GOLGA3: variants seen among roughly 807,000 people sequenced by gnomAD.
GOLGA3 encodes the protein golgin subfamily A member 3.
In GOLGA3, 75 loss-of-function variants were observed where a neutral mutation model predicts 169.4. That is an observed-to-expected ratio of 0.44 (90% CI 0.37 to 0.54). The LOEUF (loss-of-function observed/expected upper bound fraction) is 0.54, where lower values mean the gene tolerates loss of function less well. GOLGA3 is among the 20% of genes least tolerant of loss of function. The pLI, the probability that GOLGA3 is intolerant of heterozygous loss-of-function variation, is 0.00. For missense variants in GOLGA3, 1,899 were observed against 1,930.0 expected (o/e 0.98, Z 0.30); for synonymous variants, 824 against 822.4 (o/e 1.00, Z -0.03).
At chr12:132,787,996 C>T (rs2046018359) in intron 13 of GOLGA3, among the ~76,000 whole-genome samples, 1 of 152,140 alleles carries the variant, frequency 6.6e-6, no homozygotes, top group South Asian at 2.1e-4. Flanking sequence ...CCCTCGCAGC[C>T]TTTCCCCAGC....
At position 132,801,912 on chromosome 12, in the gene GOLGA3, A is replaced by T. The variant is rs1949146131; in HGVS notation, c.1655T>A (p.Leu552Gln). The change falls in exon 8 of 24, where the codon CTG becomes CAG. Residue 552 changes from leucine to glutamine, a missense_variant. Leu to Gln is a moderately radical substitution (Grantham distance 113, BLOSUM62 -2). Coordinates refer to ENST00000450791, the MANE Select transcript of GOLGA3 (RefSeq NM_001389683.1). ...ALQSQLQQVQ[L>Q]ERTTLTSKLK... ...CTTGCTGGTCAGCGTCGTCCGCTCCAGCTGCACCTGCTGAAGCTGGCTCTG... is the reference window on the plus strand; with the variant it reads ...CTTGCTGGTCAGCGTCGTCCGCTCCTGCTGCACCTGCTGAAGCTGGCTCTG... The T allele has an allele frequency of 1.2e-6, 2 of 1,602,284 alleles. No homozygotes were observed. Among genetic ancestry groups the T allele is most frequent in the Non-Finnish European group, 1.7e-6 (2 of 1,179,862 alleles).
intron 4 of GOLGA3, among the ~76,000 whole-genome samples, chr12:132,810,394 C>T (rs879434914): frequency 5.3e-5 from 8 of 152,016 alleles, no homozygotes; most frequent in South Asian, 2.1e-4. Flanking sequence ...ACTGAGGACG[C>T]GAACTGTTCC....
intron 4 of GOLGA3, among the ~76,000 whole-genome samples, chr12:132,811,550 G>A (rs185933975): frequency 2.5e-4 from 38 of 151,510 alleles, no homozygotes; most frequent in African/African-American, 8.2e-4. Flanking sequence ...AACCTCTGCC[G>A]CCTGGGTTCA....
chr12:132,777,103 A>C lies in GOLGA3; in HGVS notation c.3723-13T>G, dbSNP rs773466743. On this transcript the variant is annotated splice_polypyrimidine_tract_variant and intron_variant, in intron 19 of 23. Transcript: ENST00000450791. This position sits in a 1 kb window ranked among gnomAD's most constrained non-coding sequence, Gnocchi z 4.7. ...CCCCTCCCGAATCCTAGCGTAAAAA[A>C]ACAAGAAAGAAGGGAATCGCCACGC... 1.3e-6 allele frequency: 2 copies of C among 1,568,484 alleles called. No individual in the cohort carries two copies. Among genetic ancestry groups the C allele is most frequent in the East Asian group, 2.2e-5 (1 of 44,550 alleles).
At chr12:132,818,416 C>T (rs554364792) in intron 2 of GOLGA3, among the ~76,000 whole-genome samples, 2 of 152,206 alleles carry the variant, frequency 1.3e-5, no homozygotes, top group African/African-American at 2.4e-5. Context: ...CCCACCACCA[C>T]ACCTGGCTAA....
In GOLGA3 at chr12:132,808,323, T is replaced by C. The variant is rs1377625844; in HGVS notation, c.746A>G (p.Tyr249Cys). Residue 249 changes from tyrosine to cysteine, a missense_variant, in exon 5 of 24, where the codon TAC becomes TGC. Coordinates refer to ENST00000450791, the MANE Select transcript of GOLGA3 (RefSeq NM_001389683.1). Reference protein sequence around the residue: ...KSSKIRSLADYRTEDSNAGNS... With the variant: ...KSSKIRSLADCRTEDSNAGNS... ...CCCCGCATTTGAATCTTCAGTTCTG[T>C]AATCGGCCAGAGACCGGATTTTGCT... The C allele has an allele frequency of 2.5e-6, 4 of 1,614,058 alleles. No homozygotes were observed. Among genetic ancestry groups the C allele is most frequent in the Admixed American group, 3.3e-5 (2 of 60,002 alleles).
At chr12:132,820,717 A>G (rs1467278851) in intron 2 of GOLGA3, among the ~76,000 whole-genome samples, 1 of 152,190 alleles carries the variant, frequency 6.6e-6, no homozygotes, top group Non-Finnish European at 1.5e-5. Flanking sequence ...CCAGGGGGCT[A>G]ACATAACACT....
chr12:132,784,188 C>T lies in GOLGA3; in HGVS notation c.3243G>A (p.Glu1081=). Reference sequence around the variant, plus strand: ...CCTCGTCCTCCAGCTCCAGCACCTTCTCCCGGGACTCCTCCAGCTCCTGGC... The same window carrying T: ...CCTCGTCCTCCAGCTCCAGCACCTTTTCCCGGGACTCCTCCAGCTCCTGGC... ...LTSQELEESR[E]KVLELEDELQ... is the part of the protein sequence containing the mutation. The change falls in exon 16 of 24, where the codon GAG becomes GAA. Residue 1081 remains glutamate (E), a synonymous_variant. Transcript: ENST00000450791. 4 of 1,609,460 alleles carry T rather than the reference C, an allele frequency of 2.5e-6. No individual in the cohort carries two copies. The South Asian group carries it at 3.3e-5, about 13-fold the overall frequency.
intron 4 of GOLGA3, among the ~76,000 whole-genome samples, chr12:132,812,522 G>A (rs1949769678): frequency 6.6e-6 from 1 of 152,100 alleles, no homozygotes; most frequent in South Asian, 2.1e-4. Context: ...TGATTCATGG[G>A]TGGAGGGGTC....
rs149227828 is a variant in GOLGA3, at chr12:132,777,649, G to A, written c.3722+17C>T. On this transcript the variant is annotated intron_variant, in intron 19 of 23. Transcript: ENST00000450791. This position sits in a 1 kb window ranked among gnomAD's most constrained non-coding sequence, Gnocchi z 4.7. ...AGGACAGCCATGTTTGAGGGCTGGC[G>A]GGGCCCAGGCACTCACTGAAGGTCG... 9.7e-4 allele frequency: 1,562 copies of A among 1,613,268 alleles called. 31 individuals are homozygous for A. In the East Asian group the frequency reaches 0.029, roughly 30 times the overall value.
chr12:132,770,663 C>G lies in GOLGA3; in HGVS notation c.*2442G>C, dbSNP rs1316903210. ...CATTTATTTATTTTTGAGACGGAGT[C>G]TCGCTCTGTTGCCCAGGCTGGAGGG... is the stretch of plus-strand genomic sequence containing the variant. On this transcript the variant is annotated 3_prime_UTR_variant, in exon 24 of 24. Coordinates refer to ENST00000450791, the MANE Select transcript of GOLGA3 (RefSeq NM_001389683.1). 6.6e-6 allele frequency: 1 copy of G among 152,218 alleles called. No homozygotes were observed. The highest frequency in any genetic ancestry group is 2.4e-5 in the African/African-American group (1 of 41,456). 9.4% of individuals were successfully genotyped at this position (152,218 alleles called of 1,614,324 possible).
intron 11 of GOLGA3, among the ~76,000 whole-genome samples, chr12:132,794,333 T>TAAAAA (rs1218754773): frequency 7.6e-6 from 1 of 132,432 alleles, no homozygotes; most frequent in Admixed American, 7.6e-5. Context: ...CGTATCTATT[T>TAAAAA]AAAAAAAAAA....
At chr12:132,813,922 C>A (rs1239577305) in intron 3 of GOLGA3, among the ~76,000 whole-genome samples, 1 of 151,770 alleles carries the variant, frequency 6.6e-6, no homozygotes, top group Admixed American at 6.6e-5. Flanking sequence ...GACGGGGTTT[C>A]ACCATGTTAG....
chr12:132,792,783 CGG>C (rs1948619189), intron 11 of GOLGA3, among the ~76,000 whole-genome samples: 1 of 127,242 alleles, frequency 7.9e-6, no homozygotes, highest in Non-Finnish European at 1.7e-5. Context: ...GACCTGCACT[CGG>C]AGGGCTCCAC....
At position 132,822,949 on chromosome 12, in the gene GOLGA3, G is replaced by T. The variant is rs939606247; in HGVS notation, c.-183-638C>A. Among the ~76,000 whole-genome samples, 9 of 152,168 alleles carry T rather than the reference G, an allele frequency of 5.9e-5. No homozygotes were observed. The South Asian group carries it at 1.0e-3, about 17-fold the overall frequency. On this transcript the variant is annotated intron_variant, in intron 1 of 23. Transcript: ENST00000450791. ...AAACAATTTAAAAATTACAATACCA[G>T]ACTCACAGGCCCCCCTCTCAGCTAG...
At chr12:132,807,341 A>T in intron 5 of GOLGA3, 53 bp from the exon 6 acceptor site, 1 of 892,028 alleles carries the variant, frequency 1.1e-6, no homozygotes, top group Non-Finnish European at 1.7e-6. Context: ...ATTTTCTTTC[A>T]CACTCCTCCA....
intron 2 of GOLGA3, among the ~76,000 whole-genome samples, chr12:132,820,703 T>C (rs1272627083): frequency 6.6e-6 from 1 of 152,164 alleles, no homozygotes; most frequent in African/African-American, 2.4e-5. Flanking sequence ...GACACGTGAA[T>C]AACCCAGGGG....
chr12:132,809,106 A>G (rs1272930331), intron 4 of GOLGA3, among the ~76,000 whole-genome samples: 1 of 152,238 alleles, frequency 6.6e-6, no homozygotes, highest in Non-Finnish European at 1.5e-5. Flanking sequence ...TCACGTGTCC[A>G]CTGGACGGGG....
chr12:132,791,380 G>C (rs1435294393), intron 11 of GOLGA3, 87 bp from the exon 12 acceptor site: 7 of 710,974 alleles, frequency 9.8e-6, no homozygotes, highest in Non-Finnish European at 1.7e-5. Flanking sequence ...GCCTCCAGGA[G>C]GGGAACACAT....
Sources: gnomAD v4.1 joint callset for allele counts (sites outside exome capture counted in the v4.1 genomes callset) on GRCh38, gnomAD v4.1.1 for gene constraint, Gnocchi (gnomAD v3.1) non-coding constraint, MANE v1.5 for transcripts, NCBI Gene and HGNC (gene_info 2026-07-23, HGNC 2026-07-21) for gene names.